Variants in ERCC6L2 observed in about 807,000 individuals in gnomAD.
ERCC6L2 encodes ERCC excision repair 6 like 2.
A neutral mutation model predicts 132.0 loss-of-function variants in ERCC6L2; 77 were observed. The observed-to-expected ratio is 0.58, with a 90% CI of 0.49 to 0.71. ERCC6L2 has a LOEUF of 0.71. Among genes scored for constraint, ERCC6L2 ranks in the 30% least tolerant of loss-of-function variants. ERCC6L2 has a pLI of 0.00. For synonymous variants in ERCC6L2, 583 were observed against 632.4 expected (o/e 0.92, Z 1.17); for missense variants, 1,542 against 1,837.6 (o/e 0.84, Z 2.94).
intron 17 of ERCC6L2, among the ~76,000 whole-genome samples, chr9:95,998,876 T>C (rs1442653122): frequency 6.6e-6 from 1 of 152,260 alleles, no homozygotes. Context: ...AGTTTATACA[T>C]GTAACCTTTA....
At chr9:95,923,416 T>TA (rs1829965130) in intron 9 of ERCC6L2, 37 bp downstream of exon 9, 5 of 1,606,688 alleles carry the variant, frequency 3.1e-6, no homozygotes, top group Non-Finnish European at 2.6e-6. Context: ...ACAGACATGA[T>TA]ACACAAAATA....
chr9:95,973,943 A>C (rs574558186), intron 16 of ERCC6L2, among the ~76,000 whole-genome samples: 1 of 152,258 alleles, frequency 6.6e-6, no homozygotes, highest in South Asian at 2.1e-4. Context: ...TACCCTCTCC[A>C]TGCAGTTAAA....
chr9:96,005,938 A>G (rs1439654204), intron 18 of ERCC6L2, among the ~76,000 whole-genome samples: 1 of 152,208 alleles, frequency 6.6e-6, no homozygotes. Flanking sequence ...CGGGAAAGAA[A>G]GAGAACAAGA....
chr9:95,922,892 T>A (rs1337526020), intron 8 of ERCC6L2, among the ~76,000 whole-genome samples: 1 of 151,998 alleles, frequency 6.6e-6, no homozygotes, highest in Non-Finnish European at 1.5e-5. Flanking sequence ...GATGTTTTTG[T>A]AATGATTTTA....
intron 4 of ERCC6L2, among the ~76,000 whole-genome samples, chr9:95,911,571 C>A (rs1235661701): frequency 1.3e-5 from 2 of 151,584 alleles, no homozygotes; most frequent in Non-Finnish European, 2.9e-5. Flanking sequence ...TGTTCAAATG[C>A]CTTTATTTTG....
At chr9:96,019,272 G>A (rs1267180972), downstream of ERCC6L2, among the ~76,000 whole-genome samples, 2 of 152,130 alleles carry the variant, frequency 1.3e-5, no homozygotes, top group Non-Finnish European at 2.9e-5. Context: ...TATTATAAAA[G>A]CACTAATGGG....
At chr9:96,009,475 T>C (rs1375000865) in intron 18 of ERCC6L2, among the ~76,000 whole-genome samples, 1 of 152,234 alleles carries the variant, frequency 6.6e-6, no homozygotes, top group Non-Finnish European at 1.5e-5. Flanking sequence ...AAGATGAATT[T>C]AGGTGTGTTC....
At chr9:95,988,703 A>C (rs1833187832) in intron 17 of ERCC6L2, among the ~76,000 whole-genome samples, 1 of 152,202 alleles carries the variant, frequency 6.6e-6, no homozygotes, top group Admixed American at 6.5e-5. Context: ...AACACAGAAG[A>C]CTTCTGTGAC....
intron 3 of ERCC6L2, among the ~76,000 whole-genome samples, chr9:95,903,523 CTT>C (rs151337355): frequency 0.03 from 4,598 of 152,066 alleles, 93 homozygotes; most frequent in East Asian, 0.13. Flanking sequence ...ATTTACTTCT[CTT>C]TTTTAATTGC....
chr9:96,029,768 A>G (rs150465825), intron 19 of ERCC6L2, among the ~76,000 whole-genome samples: 151 of 152,146 alleles, frequency 9.9e-4, no homozygotes, highest in African/African-American at 3.6e-3. Flanking sequence ...TGTATTGATC[A>G]TGGGTTTTTT....
chr9:95,964,347 C>T (rs1362128195), intron 13 of ERCC6L2, among the ~76,000 whole-genome samples: 2 of 152,152 alleles, frequency 1.3e-5, no homozygotes, highest in South Asian at 2.1e-4. Context: ...TTTCGACTTG[C>T]TCCCATCATT....
intron 17 of ERCC6L2, among the ~76,000 whole-genome samples, chr9:95,996,225 A>C (rs1330357080): frequency 6.6e-6 from 1 of 152,270 alleles, no homozygotes; most frequent in East Asian, 1.9e-4. Flanking sequence ...TCAAAGATCA[A>C]ACCAGCCATA....
intron 19 of ERCC6L2, among the ~76,000 whole-genome samples, chr9:96,029,757 C>T (rs754197535): frequency 6.6e-6 from 1 of 152,202 alleles, no homozygotes; most frequent in Admixed American, 6.5e-5. Flanking sequence ...AACAGTCATT[C>T]TGTATTGATC....
intron 3 of ERCC6L2, among the ~76,000 whole-genome samples, chr9:95,900,593 T>G (rs1828723256): frequency 6.6e-6 from 1 of 152,214 alleles, no homozygotes; most frequent in South Asian, 2.1e-4. Context: ...GAACCCTTTT[T>G]GACAATTCTA....
intron 12 of ERCC6L2, among the ~76,000 whole-genome samples, chr9:95,945,424 G>C (rs530645084): frequency 6.6e-6 from 1 of 152,234 alleles, no homozygotes; most frequent in South Asian, 2.1e-4. Context: ...AATTTGTGCA[G>C]TTAACGCAAT....
At chr9:96,029,880 A>G (rs1163410309) in intron 19 of ERCC6L2, among the ~76,000 whole-genome samples, 2 of 152,168 alleles carry the variant, frequency 1.3e-5, no homozygotes, top group African/African-American at 4.8e-5. Context: ...AGTCCTCCAG[A>G]GAGCAAACGA....
At chr9:95,929,711 A>G (rs187505693) in intron 11 of ERCC6L2, among the ~76,000 whole-genome samples, 1 of 152,220 alleles carries the variant, frequency 6.6e-6, no homozygotes, top group East Asian at 1.9e-4. Flanking sequence ...CCATTTTCCT[A>G]TAAAGGAATG....
intron 3 of ERCC6L2, among the ~76,000 whole-genome samples, chr9:95,901,699 C>T (rs1828787555): frequency 6.6e-6 from 1 of 152,178 alleles, no homozygotes; most frequent in South Asian, 2.1e-4. Flanking sequence ...GCTGGTACTG[C>T]CCTTCCAGGC....
At chr9:95,910,004 T>C (rs1173366742) in intron 4 of ERCC6L2, among the ~76,000 whole-genome samples, 1 of 152,192 alleles carries the variant, frequency 6.6e-6, no homozygotes, top group African/African-American at 2.4e-5. Flanking sequence ...GTAGTGTAAT[T>C]TGCATTTTTC....
Sources: allele counts gnomAD v4.1 joint callset (sites outside exome capture counted in the v4.1 genomes callset), GRCh38; gene constraint gnomAD v4.1.1; transcripts MANE v1.5; gene names NCBI Gene and HGNC (gene_info 2026-07-23, HGNC 2026-07-21).